The following ATP7B variants were observed in gnomAD, a reference collection of about 807,000 sequenced individuals.
ATP7B encodes the protein ATPase copper transporting beta.
Under a neutral mutation model 118.9 loss-of-function variants are expected in ATP7B, and 113 were observed. The ratio of observed to expected loss-of-function variants is 0.95; its 90% CI spans 0.82 to 1.11. ATP7B has a LOEUF of 1.11. Among genes scored for constraint, ATP7B ranks in the 50% most tolerant of loss-of-function variants. ATP7B has a pLI of 0.00. For missense variants in ATP7B, 1,867 were observed against 1,871.4 expected (o/e 1.00, Z 0.04); for synonymous variants, 777 against 727.4 (o/e 1.07, Z -1.10).
At chr13:51,961,997 T>C (rs1461881698) in intron 5 of ATP7B, 84 bp from the exon 6 acceptor site, 8 of 1,205,366 alleles carry the variant, frequency 6.6e-6, no homozygotes, top group Non-Finnish European at 8.5e-6. Flanking sequence ...CTTTTCAGCT[T>C]TGGAAATTAG....
chr13:51,987,610 T>C (rs1952718724), intron 1 of ATP7B, among the ~76,000 whole-genome samples: 1 of 152,012 alleles, frequency 6.6e-6, no homozygotes, highest in African/African-American at 2.4e-5. Context: ...GCCAAGACAA[T>C]CCTAAGCAAA....
rs76625335 is a variant in ATP7B, at chr13:51,991,798, G to A, written c.52-16630C>T. On this transcript the variant is annotated intron_variant, in intron 1 of 20. Transcript: ENST00000242839. ...AGGAACACCTGGGCCAAAGCACGGA[G>A]CCCCTGACTTCTACTCTGGTTAGCG... Among the ~76,000 whole-genome samples, 132 of 152,282 alleles carry A rather than the reference G, an allele frequency of 8.7e-4. 1 individual carries two copies. The East Asian group carries it at 0.024, about 28-fold the overall frequency.
rs1023362862 is a variant in ATP7B at position 51,995,387 on chromosome 13, C to A, written c.51+15900G>T. On this transcript the variant is annotated intron_variant, in intron 1 of 20. Transcript: ENST00000242839. Reference sequence around the variant, plus strand: ...TTCTCCTTCCTCTGACGGTGGAGTGCCTTCCTCCACAGTAGACACTGGCCT... The same window carrying A: ...TTCTCCTTCCTCTGACGGTGGAGTGACTTCCTCCACAGTAGACACTGGCCT... The A allele has an allele frequency of 4.6e-5, 44 of 960,782 alleles. 1 individual carries two copies. Among genetic ancestry groups the A allele is most frequent in the Non-Finnish European group, 1.2e-5 (10 of 807,700 alleles). 59.5% of individuals were successfully genotyped at this position (960,782 alleles called of 1,614,324 possible). A position where few individuals can be genotyped will look rare whatever the true frequency, so the allele number is the denominator to read the frequency against.
At chr13:51,961,975 T>G in intron 5 of ATP7B, 62 bp from the exon 6 acceptor site, 17 of 1,338,672 alleles carry the variant, frequency 1.3e-5, no homozygotes, top group Non-Finnish European at 1.8e-5. Context: ...AAATATGCAT[T>G]GGCAGAAAGC....
Position 51,970,714 on chromosome 13 carries a change from C to A in ATP7B, c.1321G>T (p.Ala441Ser). 1 of 1,614,120 alleles carries A rather than the reference C, an allele frequency of 6.2e-7. No individual in the cohort carries two copies. Among genetic ancestry groups the A allele is most frequent in the Non-Finnish European group, 8.5e-7 (1 of 1,179,974 alleles). The change falls in exon 3 of 21, where the codon GCT becomes TCT. Residue 441 changes from alanine (A) to serine (S), a missense_variant. Ala to Ser is a moderately conservative substitution (Grantham distance 99). Coordinates refer to ENST00000242839, the MANE Select transcript of ATP7B (RefSeq NM_000053.4). ...GTAGTTTGCACCATGGAATTCCCAG[C>A]ACTGTGGTTTCCAAGAGGGTTAGTA... Reference protein sequence around the residue: ...CSTNPLGNHSAGNSMVQTTDG... With the variant: ...CSTNPLGNHSSGNSMVQTTDG...
At chr13:51,999,190 C>T (rs958079713) in intron 1 of ATP7B, among the ~76,000 whole-genome samples, 2 of 152,178 alleles carry the variant, frequency 1.3e-5, no homozygotes, top group African/African-American at 4.8e-5. Context: ...AAGACACATA[C>T]TGCCCTTGGA....
intron 9 of ATP7B, among the ~76,000 whole-genome samples, chr13:51,957,022 A>G (rs1023182942): frequency 3.9e-5 from 6 of 152,182 alleles, no homozygotes; most frequent in African/African-American, 1.4e-4. Flanking sequence ...GATTAAATAC[A>G]AAGAGATTAG....
At position 51,946,489 on chromosome 13, in the gene ATP7B, G is replaced by T. The variant is rs377517985; in HGVS notation, c.2866-11C>A. The T allele has an allele frequency of 6.2e-7, 1 of 1,613,918 alleles. No individual in the cohort carries two copies. Among genetic ancestry groups the T allele is most frequent in the Non-Finnish European group, 8.5e-7 (1 of 1,179,950 alleles). On this transcript the variant is annotated splice_polypyrimidine_tract_variant and intron_variant, in intron 12 of 20. Coordinates refer to ENST00000242839, the MANE Select transcript of ATP7B (RefSeq NM_000053.4). ...GTGCTTGTTGGGGTTCTGAAAACAGGACAGAGTCAGAGGCAGGTTGAGAGT... is the reference window on the plus strand; with the variant it reads ...GTGCTTGTTGGGGTTCTGAAAACAGTACAGAGTCAGAGGCAGGTTGAGAGT...
At chr13:51,989,738 C>T (rs117920799) in intron 1 of ATP7B, among the ~76,000 whole-genome samples, 301 of 152,256 alleles carry the variant, frequency 2.0e-3, no homozygotes, top group Non-Finnish European at 3.6e-3. Flanking sequence ...TATAATCAAC[C>T]GTTTCAGAGA....
chr13:51,945,398 C>T (rs535536406), intron 13 of ATP7B, among the ~76,000 whole-genome samples: 4 of 152,264 alleles, frequency 2.6e-5, no homozygotes, highest in Admixed American at 2.0e-4. Flanking sequence ...CTGGGGATAC[C>T]GCGGGGAGGG....
chr13:51,978,431 C>T (rs573673604), intron 1 of ATP7B, among the ~76,000 whole-genome samples: 3 of 152,190 alleles, frequency 2.0e-5, no homozygotes, highest in African/African-American at 7.2e-5. Flanking sequence ...GGGAGTGTAA[C>T]CTCTCTGGAG....
chr13:51,960,273 C>T lies in ATP7B; in HGVS notation c.1996G>A (p.Ala666Thr), dbSNP rs1958643715. ...CSLVFGIPVM[A>T]LMIYMLIPSN... ...GGTATCAGCATATAGATCATTAAGG[C>T]CATGACAGGGATGCCAAACACCAGG... Residue 666 changes from alanine to threonine, a missense_variant, in exon 7 of 21, where the codon GCC (alanine) becomes ACC (threonine). Coordinates refer to ENST00000242839, the MANE Select transcript of ATP7B (RefSeq NM_000053.4). The T allele has an allele frequency of 1.2e-6, 2 of 1,613,870 alleles. No individual in the cohort carries two copies. Among genetic ancestry groups the T allele is most frequent in the Non-Finnish European group, 1.7e-6 (2 of 1,179,854 alleles).
chr13:51,953,964 T>A (rs1958178908), intron 9 of ATP7B, among the ~76,000 whole-genome samples: 1 of 151,688 alleles, frequency 6.6e-6, no homozygotes, highest in Admixed American at 6.6e-5. Flanking sequence ...TTCTTTAACA[T>A]CTGACAGCAG....
rs199703505 is a variant in ATP7B at position 51,968,567 on chromosome 13, T to C, written c.1584A>G (p.Ala528=). 6.2e-7 allele frequency: 1 copy of C among 1,614,182 alleles called. No homozygotes were observed. The highest frequency in any genetic ancestry group is 1.3e-5 in the African/African-American group (1 of 75,026). ...TGACCTCTGGGTCATACTTGATCTC[T>C]GCCTTTCCTGCCATCAAGGCAACCA... ...SVLVALMAGK[A]EIKYDPEVIQ... Residue 528 remains alanine (A), a synonymous_variant, in exon 4 of 21, where the codon GCA becomes GCG. Coordinates refer to ENST00000242839, the MANE Select transcript of ATP7B (RefSeq NM_000053.4).
At chr13:51,943,228 G>T (rs778662275) in intron 14 of ATP7B, among the ~76,000 whole-genome samples, 1 of 152,146 alleles carries the variant, frequency 6.6e-6, no homozygotes, top group Non-Finnish European at 1.5e-5. Context: ...TAGAACTGTG[G>T]CAAGGGCTGA....
intron 7 of ATP7B, 53 bp from the exon 8 acceptor site, chr13:51,958,597 G>T: frequency 6.6e-7 from 1 of 1,525,060 alleles, no homozygotes; most frequent in South Asian, 1.1e-5. Flanking sequence ...AGAGTTCAAT[G>T]AGCGACACAG....
At chr13:51,940,462 T>C (rs1957266603) in intron 16 of ATP7B, among the ~76,000 whole-genome samples, 1 of 151,322 alleles carries the variant, frequency 6.6e-6, no homozygotes, top group African/African-American at 2.4e-5. Flanking sequence ...GAGACCAGCC[T>C]GGTGAAACCC....
chr13:52,000,147 T>G (rs1479312256), intron 1 of ATP7B, among the ~76,000 whole-genome samples: 1 of 152,228 alleles, frequency 6.6e-6, no homozygotes, highest in Non-Finnish European at 1.5e-5. Flanking sequence ...GAAGTATACC[T>G]TTCTTAGCTC....
Position 51,974,912 on chromosome 13 carries a change from A to G in ATP7B, c.308T>C (p.Val103Ala). Residue 103 changes from valine to alanine, a missense_variant, in exon 2 of 21, where the codon GTG becomes GCG. Val to Ala is a moderately conservative substitution (Grantham distance 64). Transcript: ENST00000242839. ...LEQGSATVKY[V>A]PSVVCLQQVC... ...CTGTTGCAGGCACACAACCGATGGC[A>G]CATATTTCACAGTGGCACTGCCTTG... is the stretch of plus-strand genomic sequence containing the variant. 6.2e-7 allele frequency: 1 copy of G among 1,614,214 alleles called. No individual in the cohort carries two copies. The highest frequency in any genetic ancestry group is 8.5e-7 in the Non-Finnish European group (1 of 1,180,034).
Sources: gnomAD v4.1 joint callset for allele counts (sites outside exome capture counted in the v4.1 genomes callset) on GRCh38, gnomAD v4.1.1 for gene constraint, MANE v1.5 for transcripts, NCBI Gene and HGNC (gene_info 2026-07-23, HGNC 2026-07-21) for gene names.